Variants in AUTS2 observed in about 807,000 individuals in gnomAD.
AUTS2 encodes autism susceptibility gene 2 protein.
In AUTS2, 17 loss-of-function variants were observed where a neutral mutation model predicts 112.4. The observed-to-expected ratio is 0.15, with a 90% CI of 0.10 to 0.23. The LOEUF (loss-of-function observed/expected upper bound fraction) is 0.23. Ranked by LOEUF, AUTS2 falls within the 10% of genes least tolerant of loss-of-function variation. The pLI, the probability that AUTS2 is intolerant of heterozygous loss-of-function variation, is 1.00. For synonymous variants in AUTS2, 751 were observed against 702.7 expected (o/e 1.07, Z -1.09); for missense variants, 1,510 against 1,701.6 (o/e 0.89, Z 1.98).
chr7:69,894,272 TTTTTTTA>T (rs1040306292), intron 1 of AUTS2, among the ~76,000 whole-genome samples: 23 of 119,798 alleles, frequency 1.9e-4, no homozygotes, highest in African/African-American at 6.4e-4. Flanking sequence ...TTTTTTTTTT[TTTTTTTA>T]ACAGATTTCT....
In AUTS2 at chr7:70,698,370, C is replaced by CA. The variant is rs60691934; in HGVS notation, c.691-199_691-198insA. On this transcript the variant is annotated intron_variant, in intron 5 of 18. Coordinates refer to ENST00000342771, the MANE Select transcript of AUTS2 (RefSeq NM_015570.4). ...CACATTTTTAAAATCAGATTTTTTTCCCCCCAGCAAATAGCTGCACTGCAG... is the reference window on the plus strand; with the variant it reads ...CACATTTTTAAAATCAGATTTTTTTCACCCCCAGCAAATAGCTGCACTGCAG... Among the ~76,000 whole-genome samples, 7,164 of 152,000 alleles carry CA rather than the reference C, an allele frequency of 0.047. 574 individuals are homozygous for CA. The highest frequency in any genetic ancestry group is 0.16 in the African/African-American group (6,672 of 41,424).
rs542689038 is a variant in AUTS2, at chr7:70,307,596, G to A, written c.661-128156G>A. Among the ~76,000 whole-genome samples, 10 of 152,306 alleles carry A rather than the reference G, an allele frequency of 6.6e-5. No individual in the cohort carries two copies. The East Asian group carries it at 1.9e-3, about 29-fold the overall frequency. ...ACCTCACACAACCTTGTAAGGTAGA[G>A]AGCATTATTATCTGTATTTTATTGG... On this transcript the variant is annotated intron_variant, in intron 4 of 18. Transcript: ENST00000342771.
chr7:70,582,349 G>C (rs1802491976), intron 5 of AUTS2, among the ~76,000 whole-genome samples: 1 of 152,078 alleles, frequency 6.6e-6, no homozygotes, highest in Non-Finnish European at 1.5e-5. Context: ...AGTATACAAA[G>C]CATCCCATAT....
intron 5 of AUTS2, among the ~76,000 whole-genome samples, chr7:70,464,132 G>A (rs185153336): frequency 1.2e-3 from 188 of 152,296 alleles, no homozygotes; most frequent in African/African-American, 3.9e-3. Flanking sequence ...GCTCCGCAGA[G>A]CTTCGTTCTT....
Position 70,497,309 on chromosome 7 carries a change from TCA to T in AUTS2, c.690+61534_690+61535del, listed in dbSNP as rs558844843. Among the ~76,000 whole-genome samples, 936 of 149,440 alleles carry T rather than the reference TCA, an allele frequency of 6.3e-3. 8 individuals carry two copies. Among genetic ancestry groups the T allele is most frequent in the African/African-American group, 0.022 (879 of 40,310 alleles). ...CATGCACACGTCACATCAGCGTCGA[TCA>T]CACACCCCACTCACACACATCACGT... On this transcript the variant is annotated intron_variant, in intron 5 of 18. Coordinates refer to ENST00000342771, the MANE Select transcript of AUTS2 (RefSeq NM_015570.4).
intron 2 of AUTS2, among the ~76,000 whole-genome samples, chr7:70,082,720 C>A (rs1803382211): frequency 6.6e-6 from 1 of 152,184 alleles, no homozygotes; most frequent in Non-Finnish European, 1.5e-5. Context: ...TCTAGTAAAG[C>A]ATTTTCTATG....
intron 1 of AUTS2, among the ~76,000 whole-genome samples, chr7:69,892,644 C>A (rs1406485817): frequency 6.6e-6 from 1 of 151,990 alleles, no homozygotes; most frequent in Non-Finnish European, 1.5e-5. Flanking sequence ...TCAATTTATT[C>A]TTTTATGGAT....
At chr7:70,677,811 C>T (rs563078814) in intron 5 of AUTS2, among the ~76,000 whole-genome samples, 7 of 149,302 alleles carry the variant, frequency 4.7e-5, no homozygotes, top group African/African-American at 1.7e-4. Flanking sequence ...TGGCCAGGCG[C>T]GGTGGCTGAC....
chr7:70,544,691 C>G (rs971026745), intron 5 of AUTS2, among the ~76,000 whole-genome samples: 5 of 152,138 alleles, frequency 3.3e-5, no homozygotes, highest in African/African-American at 4.8e-5. Flanking sequence ...CTTTGACCAC[C>G]AGGAGACCAT....
intron 1 of AUTS2, among the ~76,000 whole-genome samples, chr7:69,614,370 T>TCTTTCTTTCTTTCTTTCTTTCTTTTC (rs1322536871): frequency 3.5e-5 from 1 of 28,504 alleles, no homozygotes; most frequent in Non-Finnish European, 9.2e-5. Context: ...CTTTCTTTTT[T>TCTTTCTTTCTTTCTTTCTTTCTTTTC]TAAGAGATGG....
At chr7:69,773,385 G>GTAAAACAGC (rs1476894431) in intron 1 of AUTS2, among the ~76,000 whole-genome samples, 14 of 146,446 alleles carry the variant, frequency 9.6e-5, no homozygotes, top group Admixed American at 5.6e-4. Context: ...GCAAAGCATA[G>GTAAAACAGC]TAAAACAGCT....
intron 4 of AUTS2, among the ~76,000 whole-genome samples, chr7:70,388,846 A>G (rs1172209674): frequency 2.6e-5 from 4 of 152,192 alleles, no homozygotes; most frequent in Non-Finnish European, 5.9e-5. Flanking sequence ...ATCATGTCAA[A>G]GAAAATTAAA....
chr7:70,004,211 ATG>A (rs1445743363), intron 2 of AUTS2, among the ~76,000 whole-genome samples: 2 of 135,252 alleles, frequency 1.5e-5, no homozygotes, highest in Non-Finnish European at 3.0e-5. Flanking sequence ...ATATATATGA[ATG>A]TGTTATATGT....
At chr7:70,524,503 A>C (rs1799764266) in intron 5 of AUTS2, among the ~76,000 whole-genome samples, 1 of 152,216 alleles carries the variant, frequency 6.6e-6, no homozygotes, top group Admixed American at 6.5e-5. Flanking sequence ...AAGAGCTCTC[A>C]GTTGCATTAA....
intron 1 of AUTS2, among the ~76,000 whole-genome samples, chr7:69,884,368 T>G (rs1482558015): frequency 6.6e-6 from 1 of 152,206 alleles, no homozygotes; most frequent in Non-Finnish European, 1.5e-5. Flanking sequence ...GACATCCCTA[T>G]TGCCTATTAG....
At chr7:69,961,027 A>G (rs547526958) in intron 2 of AUTS2, among the ~76,000 whole-genome samples, 1 of 152,150 alleles carries the variant, frequency 6.6e-6, no homozygotes, top group South Asian at 2.1e-4. Flanking sequence ...TTGGGCGTGT[A>G]TGTATGTGTA....
chr7:70,075,581 C>T (rs992978668), intron 2 of AUTS2, among the ~76,000 whole-genome samples: 1 of 152,120 alleles, frequency 6.6e-6, no homozygotes, highest in Non-Finnish European at 1.5e-5. Context: ...ATATGAAACC[C>T]TGTGTCTAGA....
chr7:69,865,026 C>T (rs1187192618), intron 1 of AUTS2, among the ~76,000 whole-genome samples: 1 of 151,516 alleles, frequency 6.6e-6, no homozygotes, highest in African/African-American at 2.4e-5. Flanking sequence ...TATCTGCCTT[C>T]AGCTGTTTTT....
chr7:70,633,739 C>T (rs1805394859), intron 5 of AUTS2, among the ~76,000 whole-genome samples: 1 of 151,772 alleles, frequency 6.6e-6, no homozygotes, highest in Non-Finnish European at 1.5e-5. Context: ...TGAATGTGAA[C>T]CGTCTATTAA....
Sources: gnomAD v4.1 joint callset for allele counts (sites outside exome capture counted in the v4.1 genomes callset) on GRCh38, gnomAD v4.1.1 for gene constraint, MANE v1.5 for transcripts, NCBI Gene and HGNC (gene_info 2026-07-23, HGNC 2026-07-21) for gene names.